Variants in PIGK observed in about 807,000 individuals in gnomAD.
PIGK encodes the protein phosphatidylinositol glycan anchor biosynthesis class K, also known as GPI-anchor transamidase.
PIGK carries 42 observed loss-of-function variants against 50.6 expected under a neutral mutation model. The observed-to-expected ratio is 0.83, with a 90% confidence interval of 0.65 to 1.07. PIGK has a LOEUF of 1.07. PIGK is among the 50% of genes least tolerant of loss of function. The pLI is 0.00. For synonymous variants in PIGK, 151 were observed against 156.0 expected (o/e 0.97, Z 0.24); for missense variants, 448 against 488.7 (o/e 0.92, Z 0.78).
chr1:77,161,400 T>A lies in PIGK; in HGVS notation c.708A>T (p.Gln236His). The change falls in exon 8 of 11, where the codon CAA becomes CAT. Residue 236 changes from glutamine (Q) to histidine (H), a missense_variant. Transcript: ENST00000370812. Reference protein sequence around the residue: ...SQVGEDSLSHQPDPAIGVHLM... With the variant: ...SQVGEDSLSHHPDPAIGVHLM... ...GATGGACTCCAATTGCAGGATCAGG[T>A]TGATGCTATGGAAAGGGGGAAAAAA... 6.4e-7 allele frequency: 1 copy of A among 1,556,904 alleles called. No homozygotes were observed. Among genetic ancestry groups the A allele is most frequent in the Non-Finnish European group, 8.9e-7 (1 of 1,128,126 alleles).
chr1:77,166,636 G>A (rs1037677221), intron 5 of PIGK, 83 bp downstream of exon 5: 31 of 640,606 alleles, frequency 4.8e-5, no homozygotes, highest in Non-Finnish European at 5.7e-5. Context: ...ATCATTTCAC[G>A]TGTTTAAATT....
rs1655126561 is a variant in PIGK at position 77,161,495 on chromosome 1, T to G, written c.703-90A>C. On this transcript the variant is annotated intron_variant, in intron 7 of 10. Transcript: ENST00000370812. ...CCAAAATTTCCTTCTAATGTATTAG[T>G]CTAAGAAAGAACAGATACATTCATA... The G allele has an allele frequency of 1.1e-5, 11 of 959,488 alleles. No individual in the cohort carries two copies. The Admixed American group carries it at 1.9e-4, about 16-fold the overall frequency. 59.4% of individuals were successfully genotyped at this position (959,488 alleles called of 1,614,324 possible).
chr1:77,196,922 G>A (rs923047579), intron 3 of PIGK, among the ~76,000 whole-genome samples: 3 of 151,976 alleles, frequency 2.0e-5, no homozygotes, highest in Non-Finnish European at 4.4e-5. Flanking sequence ...TATTTCCTAA[G>A]TTTTCTTCTA....
At chr1:77,100,098 A>C (rs1244412857) in intron 10 of PIGK, among the ~76,000 whole-genome samples, 1 of 152,218 alleles carries the variant, frequency 6.6e-6, no homozygotes, top group African/African-American at 2.4e-5. Context: ...AAAATAGTTA[A>C]CAGAGCACAG....
intron 10 of PIGK, among the ~76,000 whole-genome samples, chr1:77,111,458 G>A (rs574674789): frequency 6.6e-6 from 1 of 152,168 alleles, no homozygotes; most frequent in Non-Finnish European, 1.5e-5. Flanking sequence ...TCCTTTGTAG[G>A]GACATGGATG....
At chr1:77,217,907 A>T (rs1310174876) in intron 1 of PIGK, among the ~76,000 whole-genome samples, 1 of 152,246 alleles carries the variant, frequency 6.6e-6, no homozygotes, top group Admixed American at 6.5e-5. Context: ...TAACTACAAA[A>T]AACAGTAATA....
chr1:77,151,960 T>A (rs1385593505), intron 9 of PIGK, among the ~76,000 whole-genome samples: 2 of 152,134 alleles, frequency 1.3e-5, no homozygotes, highest in Non-Finnish European at 2.9e-5. Context: ...ATAATCTCTA[T>A]CAAAATTCCA....
chr1:77,217,943 T>C (rs976232017), intron 1 of PIGK, among the ~76,000 whole-genome samples: 4 of 152,192 alleles, frequency 2.6e-5, no homozygotes, highest in African/African-American at 9.7e-5. Context: ...CAGTCAAAGT[T>C]AGAATAAAGG....
chr1:77,155,939 C>T (rs1240019264), intron 8 of PIGK, among the ~76,000 whole-genome samples: 3 of 152,106 alleles, frequency 2.0e-5, no homozygotes, highest in Non-Finnish European at 4.4e-5. Flanking sequence ...CTGAGGTATA[C>T]AAAACTTATA....
chr1:77,210,820 C>T (rs545148956), intron 1 of PIGK, among the ~76,000 whole-genome samples: 27 of 152,098 alleles, frequency 1.8e-4, no homozygotes, highest in African/African-American at 6.5e-4. Context: ...GAAAGCAATG[C>T]CAATCCTACA....
chr1:77,128,863 C>G (rs189767739), intron 9 of PIGK, among the ~76,000 whole-genome samples: 2 of 152,230 alleles, frequency 1.3e-5, no homozygotes, highest in Non-Finnish European at 2.9e-5. Context: ...CAAATGTGAC[C>G]TGTCACCTGT....
intron 10 of PIGK, 87 bp from the exon 11 acceptor site, chr1:77,092,577 T>G (rs1653325126): frequency 1.3e-6 from 1 of 779,192 alleles, no homozygotes; most frequent in Admixed American, 2.3e-5. Context: ...AAAGATAAAT[T>G]TCACTGGTTG....
chr1:77,107,391 G>C (rs1329524503), intron 10 of PIGK, among the ~76,000 whole-genome samples: 3 of 152,152 alleles, frequency 2.0e-5, no homozygotes, highest in Admixed American at 6.5e-5. Flanking sequence ...CCATGTAGTT[G>C]AGCAGTTTTC....
chr1:77,155,655 C>T (rs1654991045), intron 8 of PIGK, among the ~76,000 whole-genome samples: 1 of 151,690 alleles, frequency 6.6e-6, no homozygotes, highest in Non-Finnish European at 1.5e-5. Flanking sequence ...AAGAGCATTC[C>T]TAATAAAAGA....
chr1:77,110,009 A>T (rs903145657), intron 10 of PIGK, among the ~76,000 whole-genome samples: 2 of 152,188 alleles, frequency 1.3e-5, no homozygotes, highest in African/African-American at 4.8e-5. Flanking sequence ...TCCCATTCAC[A>T]ATTGCTTCAA....
At chr1:77,152,073 G>A (rs538310952) in intron 9 of PIGK, among the ~76,000 whole-genome samples, 2 of 152,004 alleles carry the variant, frequency 1.3e-5, no homozygotes, top group Non-Finnish European at 2.9e-5. Context: ...GAACAAAGCT[G>A]GACGCATCAT....
intron 9 of PIGK, among the ~76,000 whole-genome samples, chr1:77,123,108 C>T (rs904968576): frequency 2.0e-5 from 3 of 151,976 alleles, no homozygotes; most frequent in African/African-American, 7.2e-5. Flanking sequence ...CTGATATAAT[C>T]CATATCTAGG....
chr1:77,199,457 A>G (rs1241262688), intron 3 of PIGK, among the ~76,000 whole-genome samples: 1 of 152,040 alleles, frequency 6.6e-6, no homozygotes, highest in African/African-American at 2.4e-5. Flanking sequence ...TTATCTTCAC[A>G]ATAACTATGA....
intron 2 of PIGK, 149 bp from the exon 3 acceptor site, chr1:77,206,880 G>A: frequency 1.9e-6 from 1 of 526,568 alleles, no homozygotes; most frequent in Non-Finnish European, 3.4e-6. Flanking sequence ...AAAATTGTCA[G>A]TAAAGGCCAG....
Sources: gnomAD v4.1 joint callset for allele counts (sites outside exome capture counted in the v4.1 genomes callset) on GRCh38, gnomAD v4.1.1 for gene constraint, MANE v1.5 for transcripts, NCBI Gene and HGNC (gene_info 2026-07-23, HGNC 2026-07-21) for gene names.